GRHL2: variants seen among roughly 807,000 people sequenced by gnomAD.
GRHL2 encodes grainyhead-like protein 2 homolog.
A neutral mutation model predicts 83.8 loss-of-function variants in GRHL2; 21 were observed. The observed-to-expected ratio is 0.25, with a 90% CI of 0.18 to 0.36. GRHL2 has a LOEUF of 0.36. GRHL2 is among the 10% of genes least tolerant of loss of function. The pLI is 1.00. For synonymous variants in GRHL2, 280 were observed against 278.9 expected, an observed-to-expected ratio of 1.00 and a Z score of -0.04; for missense variants, 623 against 781.8, an observed-to-expected ratio of 0.80 and a Z score of 2.42.
chr8:101,630,991 A>G (rs72674259), intron 9 of GRHL2, among the ~76,000 whole-genome samples: 2,400 of 152,292 alleles, frequency 0.016, 41 homozygotes, highest in Non-Finnish European at 0.025. Context: ...GCCAAATTGC[A>G]AAAACAGAGG....
At chr8:101,526,622 G>T (rs571037709) in intron 1 of GRHL2, among the ~76,000 whole-genome samples, 1 of 144,434 alleles carries the variant, frequency 6.9e-6, no homozygotes, top group African/African-American at 2.6e-5. Context: ...CTCTCGCTTG[G>T]TTTATTTTTG....
At chr8:101,634,269 G>A (rs147304802) in intron 11 of GRHL2, among the ~76,000 whole-genome samples, 2 of 152,284 alleles carry the variant, frequency 1.3e-5, no homozygotes, top group African/African-American at 4.8e-5. Context: ...GGCAAAAAAG[G>A]AACACACTCA....
intron 8 of GRHL2, among the ~76,000 whole-genome samples, chr8:101,613,661 G>A (rs1812797255): frequency 6.6e-6 from 1 of 151,114 alleles, no homozygotes; most frequent in Admixed American, 6.6e-5. Context: ...GGTAAAATGT[G>A]AGAAAGCTGT....
At chr8:101,600,844 G>A (rs1030941394) in intron 8 of GRHL2, among the ~76,000 whole-genome samples, 7 of 152,174 alleles carry the variant, frequency 4.6e-5, no homozygotes, top group Non-Finnish European at 8.8e-5. Flanking sequence ...AAATGGGATC[G>A]TGTAACTGGA....
At chr8:101,577,283 G>T in intron 6 of GRHL2, 125 bp from the exon 7 acceptor site, 2 of 712,864 alleles carry the variant, frequency 2.8e-6, no homozygotes, top group South Asian at 3.0e-5. Flanking sequence ...AAGCTTGTCT[G>T]GGCTTTTCTA....
At chr8:101,649,866 A>T (rs1813586192) in intron 14 of GRHL2, among the ~76,000 whole-genome samples, 1 of 152,228 alleles carries the variant, frequency 6.6e-6, no homozygotes, top group Admixed American at 6.5e-5. Context: ...GTGATGGTGT[A>T]GTCCAAAAGA....
At chr8:101,494,909 T>A (rs1421825392) in intron 1 of GRHL2, among the ~76,000 whole-genome samples, 1 of 152,210 alleles carries the variant, frequency 6.6e-6, no homozygotes, top group Non-Finnish European at 1.5e-5. Flanking sequence ...CAAGACGAAA[T>A]TTTGTATCCT....
chr8:101,500,741 C>G (rs905849992), intron 1 of GRHL2, among the ~76,000 whole-genome samples: 2 of 152,126 alleles, frequency 1.3e-5, no homozygotes, highest in African/African-American at 4.8e-5. Context: ...GAACTCCTGA[C>G]CTCAGGTGAT....
chr8:101,545,870 ATTTTTTTTTTTTTTT>A (rs1174568425), intron 2 of GRHL2, among the ~76,000 whole-genome samples: 2,734 of 83,716 alleles, frequency 0.033, 117 homozygotes, highest in African/African-American at 0.12. Flanking sequence ...TCTTTGTAAC[ATTTTTTTTTTTTTTT>A]TTTTTTTTTT....
At position 101,620,930 on chromosome 8, in the gene GRHL2, G is replaced by GA. The variant is rs56222653; in HGVS notation, c.1257+1244dup. ...TTCTAAGACAAAATCCTGCTTTGGA[G>GA]AAAAAAAAAAATTATCGGAGTAAAG... On this transcript the variant is annotated intron_variant, in intron 9 of 15. Transcript: ENST00000646743. Among the ~76,000 whole-genome samples, 1,101 of 135,198 alleles carry GA rather than the reference G, an allele frequency of 8.1e-3. 9 individuals carry two copies. The highest frequency in any genetic ancestry group is 0.013 in the Non-Finnish European group (843 of 62,504). 88.7% of individuals were successfully genotyped at this position (135,198 alleles called of 152,430 possible).
intron 9 of GRHL2, among the ~76,000 whole-genome samples, chr8:101,624,587 C>T (rs1225840738): frequency 6.6e-6 from 1 of 151,536 alleles, no homozygotes; most frequent in South Asian, 2.1e-4. Context: ...GAACAGTTCA[C>T]AGTACACAGT....
chr8:101,581,426 C>T (rs534086421), intron 7 of GRHL2, among the ~76,000 whole-genome samples: 1 of 152,238 alleles, frequency 6.6e-6, no homozygotes, highest in African/African-American at 2.4e-5. Context: ...CTTGTGAGCT[C>T]CTTGAATAAC....
intron 2 of GRHL2, among the ~76,000 whole-genome samples, chr8:101,549,318 G>A (rs1011095077): frequency 1.3e-5 from 2 of 152,168 alleles, no homozygotes; most frequent in Non-Finnish European, 2.9e-5. Flanking sequence ...GAGAGTAATG[G>A]GAAGCACTGA....
chr8:101,569,804 TCTA>T (rs1811785984), intron 4 of GRHL2, among the ~76,000 whole-genome samples: 1 of 152,198 alleles, frequency 6.6e-6, no homozygotes, highest in African/African-American at 2.4e-5. Flanking sequence ...ATTTAATTCT[TCTA>T]ATTATTATAA....
In GRHL2 at chr8:101,594,368, C is replaced by T. The variant is rs148928323; in HGVS notation, c.1004-4689C>T. Among the ~76,000 whole-genome samples, 512 of 152,280 alleles carry T rather than the reference C, an allele frequency of 3.4e-3. 2 individuals are homozygous for T. Among genetic ancestry groups the T allele is most frequent in the African/African-American group, 0.011 (453 of 41,554 alleles). On this transcript the variant is annotated intron_variant, in intron 7 of 15. Transcript: ENST00000646743. ...TACAGCTGTCAACATTTACAACATT[C>T]GGGTTTGAGAAACTTTCTTGAGGAA...
chr8:101,675,139 A>G, the GRHL2 span, among the ~76,000 whole-genome samples: 1 of 152,130 alleles, frequency 6.6e-6, no homozygotes, highest in Non-Finnish European at 1.5e-5. Context: ...TTCCCTTTGA[A>G]AACTGGCACA....
chr8:101,589,179 T>G (rs903549983), intron 7 of GRHL2, among the ~76,000 whole-genome samples: 17 of 152,226 alleles, frequency 1.1e-4, no homozygotes, highest in Non-Finnish European at 2.2e-4. Flanking sequence ...TTAAGCATGT[T>G]ACTTACCAAA....
At chr8:101,614,639 T>C (rs1037592101) in intron 8 of GRHL2, among the ~76,000 whole-genome samples, 2 of 152,158 alleles carry the variant, frequency 1.3e-5, no homozygotes, top group African/African-American at 4.8e-5. Flanking sequence ...TAATACATAT[T>C]TACAAACAAG....
At position 101,497,764 on chromosome 8, in the gene GRHL2, G is replaced by A. The variant is rs375635346; in HGVS notation, c.20+4975G>A. Among the ~76,000 whole-genome samples, 11 of 152,298 alleles carry A rather than the reference G, an allele frequency of 7.2e-5. 1 individual carries two copies. In the South Asian group the frequency reaches 2.3e-3, roughly 32 times the overall value. On this transcript the variant is annotated intron_variant, in intron 1 of 15. Coordinates refer to ENST00000646743, the MANE Select transcript of GRHL2 (RefSeq NM_024915.4). ...CTTAATGTTAGTTTACATAATAGATGCAATTTATATGCAACTTTTCAGGTG... is the reference window on the plus strand; with the variant it reads ...CTTAATGTTAGTTTACATAATAGATACAATTTATATGCAACTTTTCAGGTG...
Sources: gnomAD v4.1 joint callset for allele counts (sites outside exome capture counted in the v4.1 genomes callset) on GRCh38, gnomAD v4.1.1 for gene constraint, MANE v1.5 for transcripts, NCBI Gene and HGNC (gene_info 2026-07-23, HGNC 2026-07-21) for gene names.